STPG2: variants seen among roughly 807,000 people sequenced by gnomAD.
The protein encoded by STPG2 is sperm tail PG-rich repeat containing 2.
STPG2 carries 56 observed loss-of-function variants against 54.2 expected under a neutral mutation model. The ratio of observed to expected loss-of-function variants is 1.03; its 90% CI spans 0.83 to 1.29. The LOEUF (loss-of-function observed/expected upper bound fraction) is 1.29, where lower values mean the gene tolerates loss of function less well. Ranked by LOEUF, STPG2 falls within the 50% of genes most tolerant of loss-of-function variation. The pLI, the probability that STPG2 is intolerant of heterozygous loss-of-function variation, is 0.00. For missense variants in STPG2, 596 were observed against 544.9 expected (o/e 1.09, Z -0.93); for synonymous variants, 200 against 181.8 (o/e 1.10, Z -0.81).
At chr4:97,970,129 C>A (rs1322258484) in intron 7 of STPG2, among the ~76,000 whole-genome samples, 2 of 152,130 alleles carry the variant, frequency 1.3e-5, no homozygotes, top group African/African-American at 4.8e-5. Flanking sequence ...TCAAGGAGAA[C>A]TACAAACCAC....
At chr4:97,743,831 G>T (rs140381054) in intron 9 of STPG2, among the ~76,000 whole-genome samples, 156 of 151,570 alleles carry the variant, frequency 1.0e-3, no homozygotes, top group Middle Eastern at 3.4e-3. Flanking sequence ...CCCAAAAGAG[G>T]ACATTTTAGA....
chr4:97,765,434 T>C (rs555487231), intron 9 of STPG2, among the ~76,000 whole-genome samples: 61 of 152,240 alleles, frequency 4.0e-4, no homozygotes, highest in South Asian at 8.3e-4. Context: ...GGTTTATATT[T>C]TCCCACCCCA....
intron 5 of STPG2, among the ~76,000 whole-genome samples, chr4:98,078,003 G>A (rs765453129): frequency 1.5e-4 from 22 of 151,640 alleles, no homozygotes; most frequent in Non-Finnish European, 2.9e-4. Flanking sequence ...TGTTATCTCA[G>A]ACACAGAATT....
chr4:97,981,292 G>A lies in STPG2; in HGVS notation c.639C>T (p.Thr213=). 6.2e-7 allele frequency: 1 copy of A among 1,613,908 alleles called. No individual in the cohort carries two copies. Among genetic ancestry groups the A allele is most frequent in the Non-Finnish European group, 8.5e-7 (1 of 1,179,924 alleles). The change falls in exon 6 of 11, where the codon ACC becomes ACT. Residue 213 remains threonine (T), a synonymous_variant. Coordinates refer to ENST00000295268, the MANE Select transcript of STPG2 (RefSeq NM_174952.3). ...GTTCATTATATGTGCCAGGAGCCGG[G>A]GTGATTGATTTCATAGGTAAAAATC... is the stretch of plus-strand genomic sequence containing the variant. ...KKRFLPMKSI[T]PAPGTYNEPR... is the part of the protein sequence containing the mutation.
intron 9 of STPG2, among the ~76,000 whole-genome samples, chr4:97,737,141 G>A (rs1401374497): frequency 6.6e-6 from 1 of 152,228 alleles, no homozygotes; most frequent in Non-Finnish European, 1.5e-5. Flanking sequence ...CACACCTGCA[G>A]CGGAGGGTCC....
At chr4:98,101,864 T>TCCCCCC (rs140638030) in intron 5 of STPG2, among the ~76,000 whole-genome samples, 30 of 143,874 alleles carry the variant, frequency 2.1e-4, no homozygotes, top group Non-Finnish European at 2.7e-4. Context: ...TTTCATTATC[T>TCCCCCC]TCCCCCTCCC....
intron 8 of STPG2, among the ~76,000 whole-genome samples, chr4:97,874,494 T>G (rs923580803): frequency 2.6e-5 from 4 of 151,852 alleles, no homozygotes; most frequent in Non-Finnish European, 4.4e-5. Flanking sequence ...AAAAGTTTCC[T>G]TATGTTCCTT....
intron 10 of STPG2, among the ~76,000 whole-genome samples, chr4:97,665,142 A>T (rs375032453): frequency 6.6e-5 from 10 of 152,140 alleles, no homozygotes; most frequent in East Asian, 5.8e-4. Flanking sequence ...TGGCTTGGGA[A>T]GCTTCTAGGT....
chr4:97,734,416 T>G (rs1455918413), intron 9 of STPG2, among the ~76,000 whole-genome samples: 1 of 152,158 alleles, frequency 6.6e-6, no homozygotes, highest in Non-Finnish European at 1.5e-5. Flanking sequence ...CTCTCCCTCC[T>G]CCCAACCTCC....
intron 8 of STPG2, among the ~76,000 whole-genome samples, chr4:97,852,694 G>C (rs1729198893): frequency 6.6e-6 from 1 of 151,994 alleles, no homozygotes; most frequent in Non-Finnish European, 1.5e-5. Context: ...GAATAATAAT[G>C]GTGATAACAG....
intron 3 of STPG2, among the ~76,000 whole-genome samples, chr4:98,119,881 A>G (rs1162215956): frequency 6.6e-6 from 1 of 152,130 alleles, no homozygotes; most frequent in Non-Finnish European, 1.5e-5. Flanking sequence ...AATGGCTTCC[A>G]GCTCCATCCA....
rs557001534 is a variant in STPG2, at chr4:97,563,807, T to C, written c.1321-4690A>G. ...GATTGCACTGTGGTCTGAGAGACAG[T>C]TTGTTATAATTTCTGATCTTTTACA... On this transcript the variant is annotated intron_variant, in intron 10 of 10. Transcript: ENST00000295268. 1.6e-4 allele frequency among the ~76,000 whole-genome samples: 25 copies of C among 152,298 alleles called. No individual in the cohort carries two copies. The South Asian group carries it at 5.0e-3, about 30-fold the overall frequency.
chr4:98,009,340 G>A (rs1451046446), intron 5 of STPG2, among the ~76,000 whole-genome samples: 1 of 147,336 alleles, frequency 6.8e-6, no homozygotes, highest in Non-Finnish European at 1.5e-5. Context: ...TCTTTGGCCT[G>A]TTAGTTGTTC....
chr4:97,487,148 T>C (rs1000901346), intron 4 of STPG2, among the ~76,000 whole-genome samples: 2 of 150,762 alleles, frequency 1.3e-5, no homozygotes, highest in African/African-American at 4.9e-5. Flanking sequence ...GTGCAGTGTA[T>C]ACTTAACTCA....
intron 10 of STPG2, among the ~76,000 whole-genome samples, chr4:97,691,569 C>T (rs1021217745): frequency 6.6e-6 from 1 of 152,088 alleles, no homozygotes; most frequent in African/African-American, 2.4e-5. Flanking sequence ...ACCCTGCCTC[C>T]ACCTGATGAT....
chr4:97,607,329 AGACTT>A, intron 10 of STPG2, among the ~76,000 whole-genome samples: 1 of 151,872 alleles, frequency 6.6e-6, no homozygotes, highest in Non-Finnish European at 1.5e-5. Context: ...TTAGGATCCC[AGACTT>A]ATATAAGGAG....
chr4:97,833,790 C>T (rs1404400766), intron 9 of STPG2, among the ~76,000 whole-genome samples: 1 of 152,072 alleles, frequency 6.6e-6, no homozygotes, highest in Non-Finnish European at 1.5e-5. Flanking sequence ...TAGAGAAATG[C>T]AAATCAAAAC....
Position 97,496,122 on chromosome 4 carries a change from A to G in STPG2, c.462+216577T>C, listed in dbSNP as rs1578343103. On this transcript the variant is annotated intron_variant, in intron 4 of 4. Transcript: ENST00000522676. ...TAAAGGCAAAATATTTAGTAATATC[A>G]TTTTCAGCAATTTTATTGTATTGCC... is the stretch of plus-strand genomic sequence containing the variant. 2.0e-5 allele frequency among the ~76,000 whole-genome samples: 3 copies of G among 151,764 alleles called. No homozygotes were observed. The South Asian group carries it at 6.2e-4, about 31-fold the overall frequency.
At chr4:97,773,741 A>G (rs1234579282) in intron 9 of STPG2, among the ~76,000 whole-genome samples, 2 of 152,240 alleles carry the variant, frequency 1.3e-5, no homozygotes, top group Non-Finnish European at 2.9e-5. Flanking sequence ...CATTTATATA[A>G]TATTAAGCAT....
Sources: gnomAD v4.1 joint callset for allele counts (sites outside exome capture counted in the v4.1 genomes callset) on GRCh38, gnomAD v4.1.1 for gene constraint, MANE v1.5 for transcripts, NCBI Gene and HGNC (gene_info 2026-07-23, HGNC 2026-07-21) for gene names.